Variants in AP3B1 observed in about 807,000 individuals in gnomAD.
AP3B1 encodes adaptor related protein complex 3 subunit beta 1.
Under a neutral mutation model 132.5 loss-of-function variants are expected in AP3B1, and 61 were observed. The observed-to-expected ratio is 0.46, with a 90% CI of 0.37 to 0.57. AP3B1 has a LOEUF of 0.57. Ranked by LOEUF, AP3B1 falls within the 20% of genes least tolerant of loss-of-function variation. AP3B1 has a pLI of 0.00. For synonymous variants in AP3B1, 388 were observed against 438.3 expected, an observed-to-expected ratio of 0.89 and a Z score of 1.43; for missense variants, 1,120 against 1,289.4, an observed-to-expected ratio of 0.87 and a Z score of 2.01.
rs5868911 is a variant in AP3B1 at position 78,291,420 on chromosome 5, G to GAAA, written c.128+3029_128+3031dup. ...CTCAGTGTCTCCCCACAGATAATTTGAAAAAAAAAAAAAAAAAAACAGAAA... is the reference window on the plus strand; with the variant it reads ...CTCAGTGTCTCCCCACAGATAATTTGAAAAAAAAAAAAAAAAAAAAAACAGAAA... On this transcript the variant is annotated intron_variant, in intron 1 of 26. Coordinates refer to ENST00000255194, the MANE Select transcript of AP3B1 (RefSeq NM_003664.5). Among the ~76,000 whole-genome samples, 36 of 85,698 alleles carry GAAA rather than the reference G, an allele frequency of 4.2e-4. 2 individuals carry two copies. The highest frequency in any genetic ancestry group is 5.1e-4 in the South Asian group (1 of 1,954). 56.2% of individuals were successfully genotyped at this position (85,698 alleles called of 152,430 possible). A position where few individuals can be genotyped will look rare whatever the true frequency, so the allele number is the denominator to read the frequency against.
At chr5:78,169,952 T>G (rs1177257991) in intron 11 of AP3B1, among the ~76,000 whole-genome samples, 1 of 152,132 alleles carries the variant, frequency 6.6e-6, no homozygotes, top group Non-Finnish European at 1.5e-5. Flanking sequence ...TTCCCGGCCC[T>G]GTGTCCAAGT....
At chr5:78,239,880 C>T (rs1747050325) in intron 3 of AP3B1, among the ~76,000 whole-genome samples, 1 of 151,310 alleles carries the variant, frequency 6.6e-6, no homozygotes, top group African/African-American at 2.4e-5. Flanking sequence ...ATTTAAAGAA[C>T]ATTAGCTCAA....
chr5:78,291,996 T>C (rs1193792017), intron 1 of AP3B1, among the ~76,000 whole-genome samples: 1 of 152,150 alleles, frequency 6.6e-6, no homozygotes, highest in Non-Finnish European at 1.5e-5. Context: ...TGCCTGAATA[T>C]GCATGGGGAG....
chr5:78,052,958 G>T (rs1036573538), intron 22 of AP3B1, among the ~76,000 whole-genome samples: 1 of 152,140 alleles, frequency 6.6e-6, no homozygotes, highest in African/African-American at 2.4e-5. Flanking sequence ...AATTTGACTT[G>T]TAAAGTGTTC....
chr5:78,107,597 C>G (rs1751389144), intron 20 of AP3B1, among the ~76,000 whole-genome samples: 1 of 152,082 alleles, frequency 6.6e-6, no homozygotes, highest in Admixed American at 6.6e-5. Context: ...GGATGCGAGT[C>G]TTACACAGAG....
At chr5:78,041,278 A>G (rs1194667323) in intron 22 of AP3B1, among the ~76,000 whole-genome samples, 1 of 151,500 alleles carries the variant, frequency 6.6e-6, no homozygotes, top group Non-Finnish European at 1.5e-5. Flanking sequence ...CCGTCTCAAA[A>G]AAAAAAAAAA....
intron 22 of AP3B1, among the ~76,000 whole-genome samples, chr5:78,060,420 A>G (rs1748995514): frequency 6.6e-6 from 1 of 152,210 alleles, no homozygotes; most frequent in Non-Finnish European, 1.5e-5. Flanking sequence ...ATGTAGAAGG[A>G]CAAAATGTTT....
intron 7 of AP3B1, among the ~76,000 whole-genome samples, chr5:78,193,565 TTCCC>T (rs1744928240): frequency 6.6e-6 from 1 of 151,060 alleles, no homozygotes; most frequent in Non-Finnish European, 1.5e-5. Flanking sequence ...AATTTTAATA[TTCCC>T]TCCATTTGTA....
intron 11 of AP3B1, among the ~76,000 whole-genome samples, chr5:78,167,432 AT>A: frequency 6.6e-6 from 1 of 152,224 alleles, no homozygotes; most frequent in South Asian, 2.1e-4. Context: ...CAGTGTGGAG[AT>A]TCCTTAAAAA....
At chr5:78,263,763 T>A (rs1748200658) in intron 2 of AP3B1, among the ~76,000 whole-genome samples, 1 of 152,358 alleles carries the variant, frequency 6.6e-6, no homozygotes, top group Middle Eastern at 3.4e-3. Context: ...GTGAGGGATT[T>A]TTCCCTTTCC....
chr5:78,174,811 CT>C (rs1406552010), intron 11 of AP3B1, among the ~76,000 whole-genome samples: 1 of 152,260 alleles, frequency 6.6e-6, no homozygotes, highest in African/African-American at 2.4e-5. Flanking sequence ...TTGTGTTCAG[CT>C]ATGCCTTGCC....
At chr5:78,161,933 T>C (rs907161428) in intron 13 of AP3B1, among the ~76,000 whole-genome samples, 3 of 152,062 alleles carry the variant, frequency 2.0e-5, no homozygotes, top group Non-Finnish European at 4.4e-5. Flanking sequence ...ATTTTTCAAA[T>C]AAAATGTAAT....
intron 7 of AP3B1, among the ~76,000 whole-genome samples, chr5:78,205,363 T>C (rs1239704641): frequency 6.6e-6 from 1 of 151,968 alleles, no homozygotes; most frequent in African/African-American, 2.4e-5. Context: ...AAGCTGAATG[T>C]ATAAAAATAA....
In AP3B1 at chr5:78,116,107, A is replaced by T; in HGVS notation, c.2077+19T>A. On this transcript the variant is annotated intron_variant, in intron 18 of 26. Coordinates refer to ENST00000255194, the MANE Select transcript of AP3B1 (RefSeq NM_003664.5). ...ATCTACTATGTAAATAATATATGCC[A>T]ATAAATTATAAAACCCACCACTGTC... The T allele has an allele frequency of 6.5e-7, 1 of 1,530,542 alleles. No individual in the cohort carries two copies. Among genetic ancestry groups the T allele is most frequent in the Non-Finnish European group, 9.1e-7 (1 of 1,104,050 alleles). 94.8% of individuals were successfully genotyped at this position (1,530,542 alleles called of 1,614,324 possible).
rs1288285105 is a variant in AP3B1, at chr5:78,156,301, C to T, written c.1430G>A (p.Gly477Asp). The T allele has an allele frequency of 2.5e-6, 4 of 1,613,726 alleles. No individual in the cohort carries two copies. The highest frequency in any genetic ancestry group is 3.4e-6 in the Non-Finnish European group (4 of 1,179,840). Residue 477 changes from glycine (G) to aspartate (D), a missense_variant, in exon 14 of 27, where the codon GGT (glycine) becomes GAT (aspartate). Coordinates refer to ENST00000255194, the MANE Select transcript of AP3B1 (RefSeq NM_003664.5). ...TTTGGCCATATGTTTAATAATTTCA[C>T]CATGTTGTGCAGGTTGCATTTGCAG... is the stretch of plus-strand genomic sequence containing the variant. ...KLLQMQPAQHGEIIKHMAKLL... is the reference protein window; with the variant it reads ...KLLQMQPAQHDEIIKHMAKLL...
chr5:78,080,809 T>C (rs1055687405), intron 22 of AP3B1, among the ~76,000 whole-genome samples: 1 of 152,128 alleles, frequency 6.6e-6, no homozygotes, highest in African/African-American at 2.4e-5. Flanking sequence ...TTAAACTAGG[T>C]TAATACAATC....
At chr5:78,237,355 G>A (rs1203002285) in intron 3 of AP3B1, among the ~76,000 whole-genome samples, 1 of 151,704 alleles carries the variant, frequency 6.6e-6, no homozygotes, top group African/African-American at 2.4e-5. Context: ...ATAGCCAGGA[G>A]TAGTGGCACG....
At chr5:78,219,314 G>T (rs1746085594) in intron 6 of AP3B1, among the ~76,000 whole-genome samples, 1 of 151,940 alleles carries the variant, frequency 6.6e-6, no homozygotes, top group Non-Finnish European at 1.5e-5. Context: ...GTGTTCTAAA[G>T]AAAAGAATGT....
At chr5:78,181,813 A>G in intron 7 of AP3B1, 151 bp from the exon 8 acceptor site, 1 of 653,122 alleles carries the variant, frequency 1.5e-6, no homozygotes, top group East Asian at 2.7e-5. Context: ...TACACAACCT[A>G]TATCGAATAA....
Sources: gnomAD v4.1 joint callset for allele counts (sites outside exome capture counted in the v4.1 genomes callset) on GRCh38, gnomAD v4.1.1 for gene constraint, MANE v1.5 for transcripts, NCBI Gene and HGNC (gene_info 2026-07-23, HGNC 2026-07-21) for gene names.